Variants in TRPM3 observed in about 807,000 individuals in gnomAD.
TRPM3 encodes long transient receptor potential channel 3.
A neutral mutation model predicts 181.2 loss-of-function variants in TRPM3; 77 were observed. The observed-to-expected ratio is 0.42, with a 90% CI of 0.35 to 0.51. TRPM3 has a LOEUF of 0.51. Ranked by LOEUF, TRPM3 falls within the 20% of genes least tolerant of loss-of-function variation. The pLI, the probability that TRPM3 is intolerant of heterozygous loss-of-function variation, is 0.01. For missense variants in TRPM3, 1,759 were observed against 2,196.7 expected (o/e 0.80, Z 3.98); for synonymous variants, 745 against 796.4 (o/e 0.94, Z 1.09).
intron 1 of TRPM3, among the ~76,000 whole-genome samples, chr9:71,314,880 G>A (rs2088399614): frequency 6.7e-6 from 1 of 149,942 alleles, no homozygotes; most frequent in Admixed American, 6.7e-5. Flanking sequence ...AAAAAAAAAT[G>A]GGCATCAACG....
At chr9:70,936,875 T>C (rs551407196) in intron 1 of TRPM3, among the ~76,000 whole-genome samples, 1 of 152,316 alleles carries the variant, frequency 6.6e-6, no homozygotes, top group South Asian at 2.1e-4. Context: ...CTGCTGTATC[T>C]CTTGTCTGTC....
rs117905917 is a variant in TRPM3 at position 71,060,307 on chromosome 9, C to T, written c.177+60871G>A. Among the ~76,000 whole-genome samples, 48 of 152,206 alleles carry T rather than the reference C, an allele frequency of 3.2e-4. 1 individual carries two copies. The highest frequency in any genetic ancestry group is 1.0e-3 in the South Asian group (5 of 4,824). Reference sequence around the variant, plus strand: ...GTGTAGCCTCAAAGCTCCTATCCAGCTGGACAGTTTCAAGACCACAGCTAA... The same window carrying T: ...GTGTAGCCTCAAAGCTCCTATCCAGTTGGACAGTTTCAAGACCACAGCTAA... On this transcript the variant is annotated intron_variant, in intron 1 of 25. Transcript: ENST00000677713.
chr9:71,176,743 T>C (rs1245600440), intron 1 of TRPM3, among the ~76,000 whole-genome samples: 1 of 152,034 alleles, frequency 6.6e-6, no homozygotes, highest in Non-Finnish European at 1.5e-5. Flanking sequence ...CCTATACAGG[T>C]ATATCATTTT....
chr9:70,953,587 A>G (rs1350389173), intron 1 of TRPM3, among the ~76,000 whole-genome samples: 2 of 152,132 alleles, frequency 1.3e-5, no homozygotes, highest in African/African-American at 4.8e-5. Flanking sequence ...GGCCGTAAAA[A>G]TGGTATTATT....
intron 3 of TRPM3, among the ~76,000 whole-genome samples, chr9:70,856,863 T>C (rs535773606): frequency 6.6e-6 from 1 of 152,192 alleles, no homozygotes; most frequent in Non-Finnish European, 1.5e-5. Flanking sequence ...TACACTTATT[T>C]ACCTGGCCCA....
At chr9:70,671,905 A>G (rs1424366137) in intron 9 of TRPM3, among the ~76,000 whole-genome samples, 1 of 148,944 alleles carries the variant, frequency 6.7e-6, no homozygotes, top group African/African-American at 2.5e-5. Flanking sequence ...CTGGGATTAC[A>G]GGCATGTGCC....
At chr9:70,933,553 T>A (rs2096795326) in intron 1 of TRPM3, among the ~76,000 whole-genome samples, 1 of 151,466 alleles carries the variant, frequency 6.6e-6, no homozygotes, top group Non-Finnish European at 1.5e-5. Context: ...ATCTATGGAG[T>A]GGAATGAAAC....
At chr9:71,248,830 T>C (rs2082181112) in intron 1 of TRPM3, among the ~76,000 whole-genome samples, 1 of 152,154 alleles carries the variant, frequency 6.6e-6, no homozygotes, top group African/African-American at 2.4e-5. Context: ...AGTTCTGTGT[T>C]TTGTGGAAGC....
chr9:70,783,313 G>C (rs1779878526), intron 7 of TRPM3, among the ~76,000 whole-genome samples: 3 of 152,160 alleles, frequency 2.0e-5, no homozygotes, highest in African/African-American at 7.2e-5. Flanking sequence ...GATTGGATTA[G>C]GAAGTTCCTT....
At chr9:70,941,995 T>C (rs557316137) in intron 1 of TRPM3, among the ~76,000 whole-genome samples, 2 of 152,348 alleles carry the variant, frequency 1.3e-5, no homozygotes, top group African/African-American at 2.4e-5. Flanking sequence ...TCTAAATTCA[T>C]AGGGTTTTTT....
chr9:71,021,935 G>A (rs949554296), intron 1 of TRPM3, among the ~76,000 whole-genome samples: 2 of 152,062 alleles, frequency 1.3e-5, no homozygotes, highest in African/African-American at 4.8e-5. Flanking sequence ...GAGATAAATA[G>A]GCAAAAAACA....
chr9:71,236,751 T>C (rs911446696), intron 1 of TRPM3, among the ~76,000 whole-genome samples: 2 of 152,048 alleles, frequency 1.3e-5, no homozygotes, highest in Admixed American at 1.3e-4. Context: ...TGTAGGTATA[T>C]GAAAAATAAA....
chr9:70,585,608 G>A (rs976156427), intron 22 of TRPM3, among the ~76,000 whole-genome samples: 7 of 152,068 alleles, frequency 4.6e-5, no homozygotes, highest in African/African-American at 7.2e-5. Flanking sequence ...AAACCTTGGC[G>A]TAATCTCCAG....
chr9:70,972,301 C>T (rs2133933912), intron 1 of TRPM3, among the ~76,000 whole-genome samples: 1 of 152,246 alleles, frequency 6.6e-6, no homozygotes, highest in South Asian at 2.1e-4. Context: ...CTAAGTGAAA[C>T]ATTATGCTAA....
At chr9:70,907,899 C>T (rs1284554047) in intron 1 of TRPM3, among the ~76,000 whole-genome samples, 6 of 152,204 alleles carry the variant, frequency 3.9e-5, no homozygotes, top group East Asian at 3.8e-4. Context: ...TCTTTTTAAT[C>T]GCTGCCTAGT....
In TRPM3 at chr9:70,598,654, G is replaced by A; in HGVS notation, c.2813C>T (p.Pro938Leu). The change falls in exon 21 of 26, where the codon CCA becomes CTA. Residue 938 changes from proline to leucine, a missense_variant. By Grantham distance (98) the Pro-to-Leu change is moderately conservative (BLOSUM62 -3). Around this residue, in one of 8 missense-constraint regions of TRPM3, gnomAD observed 100 missense variants for 123.0 expected, o/e 0.81. Transcript: ENST00000677713. The part of the protein sequence containing the change: ...EKMREILMSE[P>L]GKLLQKVKVW... The stretch of plus-strand genomic sequence containing the variant: ...CTTCACTTTCTGTAGCAACTTCCCT[G>A]GCTCTGACATCAGAATCTATAAGGC... 6.2e-7 allele frequency: 1 copy of A among 1,613,868 alleles called. No individual in the cohort carries two copies. Among genetic ancestry groups the A allele is most frequent in the Non-Finnish European group, 8.5e-7 (1 of 1,179,828 alleles).
intron 1 of TRPM3, among the ~76,000 whole-genome samples, chr9:71,078,135 T>C (rs1591234076): frequency 6.6e-6 from 1 of 152,266 alleles, no homozygotes; most frequent in African/African-American, 2.4e-5. Context: ...TAAAACAATA[T>C]TGTTTGCAAA....
At chr9:70,907,269 C>T (rs759960019) in intron 1 of TRPM3, among the ~76,000 whole-genome samples, 29 of 152,186 alleles carry the variant, frequency 1.9e-4, no homozygotes, top group Non-Finnish European at 3.8e-4. Flanking sequence ...TTGCATGTTC[C>T]CAGCTGAGGC....
chr9:70,889,919 G>T (rs575843492), intron 1 of TRPM3, among the ~76,000 whole-genome samples: 1 of 147,824 alleles, frequency 6.8e-6, no homozygotes, highest in South Asian at 2.1e-4. Flanking sequence ...CATAAAATTA[G>T]TATATATGTA....
Sources: allele counts gnomAD v4.1 joint callset (sites outside exome capture counted in the v4.1 genomes callset), GRCh38; gene constraint gnomAD v4.1.1; regional missense constraint gnomAD v4.1.1; transcripts MANE v1.5; gene names NCBI Gene and HGNC (gene_info 2026-07-23, HGNC 2026-07-21).